TMEM39B: variants seen among roughly 807,000 people sequenced by gnomAD.
TMEM39B encodes transmembrane protein 39B.
Under a neutral mutation model 52.2 loss-of-function variants are expected in TMEM39B, and 23 were observed. The observed-to-expected ratio is 0.44, with a 90% CI of 0.32 to 0.62. TMEM39B has a LOEUF of 0.62. Ranked by LOEUF, TMEM39B falls within the 20% of genes least tolerant of loss-of-function variation. TMEM39B has a pLI of 0.06. For missense variants in TMEM39B, 547 were observed against 642.0 expected (o/e 0.85, Z 1.60); for synonymous variants, 285 against 264.0 (o/e 1.08, Z -0.77).
At chr1:32,083,303 G>A (rs1207717658) in intron 5 of TMEM39B, among the ~76,000 whole-genome samples, 9 of 147,046 alleles carry the variant, frequency 6.1e-5, no homozygotes, top group African/African-American at 2.0e-4. Flanking sequence ...GGCTGGTCTC[G>A]AACTCCCGAC....
Position 32,075,622 on chromosome 1 carries a change from C to T in TMEM39B, c.151C>T (p.Leu51Phe). 6.4e-7 allele frequency: 1 copy of T among 1,551,356 alleles called. No homozygotes were observed. Among genetic ancestry groups the T allele is most frequent in the Non-Finnish European group, 8.7e-7 (1 of 1,146,968 alleles). ...SRTRSSSGTG[L>F]SSPPLATQTV... ...TGTCAGGAGCAGTTCTGGAACAGGC[C>T]TCTCCAGCCCTCCTCTGGCCACCCA... Residue 51 changes from leucine (L) to phenylalanine (F), a missense_variant, in exon 3 of 9, where the codon CTC becomes TTC. Transcript: ENST00000336294.
rs1641056766 is a variant in TMEM39B at position 32,102,544 on chromosome 1, C to G, written c.1350C>G (p.Ile450Met). 6.2e-7 allele frequency: 1 copy of G among 1,614,106 alleles called. No homozygotes were observed. Among genetic ancestry groups the G allele is most frequent in the Middle Eastern group, 1.6e-4 (1 of 6,084 alleles). The change falls in exon 9 of 9, where the codon ATC (isoleucine) becomes ATG (methionine). Residue 450 changes from isoleucine (I) to methionine (M), a missense_variant. Coordinates refer to ENST00000336294, the MANE Select transcript of TMEM39B (RefSeq NM_018056.4). Reference sequence around the variant, plus strand: ...CCTCTGAAAAGTGGCACCAGACCATCTCGCTGGCCCTCATCCTCTTCAGCA... The same window carrying G: ...CCTCTGAAAAGTGGCACCAGACCATGTCGCTGGCCCTCATCCTCTTCAGCA... Reference protein sequence around the residue: ...LMSSEKWHQTISLALILFSNY... With the variant: ...LMSSEKWHQTMSLALILFSNY...
intron 5 of TMEM39B, among the ~76,000 whole-genome samples, chr1:32,084,486 G>A (rs1640251953): frequency 6.6e-6 from 1 of 152,154 alleles, no homozygotes; most frequent in South Asian, 2.1e-4. Context: ...GGGTACGTTG[G>A]AGATGAGTCC....
chr1:32,077,253 G>C lies in TMEM39B; in HGVS notation c.525G>C (p.Leu175=). ...FTVLTATGWS[L]CRSLIHLFRT... The stretch of plus-strand genomic sequence containing the variant: ...TTCTCACGGCAACAGGCTGGAGTCT[G>C]TGCCGATCCCTCATCCACCTCTTCA... Residue 175 remains leucine, a synonymous_variant, in exon 5 of 9, where the codon CTG becomes CTC. Transcript: ENST00000336294. 1 of 1,614,168 alleles carries C rather than the reference G, an allele frequency of 6.2e-7. No individual in the cohort carries two copies. The highest frequency in any genetic ancestry group is 8.5e-7 in the Non-Finnish European group (1 of 1,180,038).
chr1:32,074,187 C>G (rs1175815629), intron 1 of TMEM39B, among the ~76,000 whole-genome samples: 1 of 152,108 alleles, frequency 6.6e-6, no homozygotes, highest in Non-Finnish European at 1.5e-5. Context: ...CCAGCCATAT[C>G]CTTGACCCTT....
chr1:32,076,955 C>A (rs1464117889), intron 4 of TMEM39B, 109 bp downstream of exon 4: 11 of 1,366,724 alleles, frequency 8.0e-6, no homozygotes, highest in Non-Finnish European at 1.0e-5. Context: ...CCTTGGGGCT[C>A]CCTTTGGACT....
At chr1:32,097,158 A>C (rs959202821) in intron 7 of TMEM39B, among the ~76,000 whole-genome samples, 1 of 152,082 alleles carries the variant, frequency 6.6e-6, no homozygotes, top group African/African-American at 2.4e-5. Flanking sequence ...ATATATACTC[A>C]TGTAACCCAC....
At chr1:32,073,160 G>GCCCGGT in intron 1 of TMEM39B, 109 bp downstream of exon 1, 1 of 1,334,782 alleles carries the variant, frequency 7.5e-7, no homozygotes, top group East Asian at 3.1e-5. Context: ...GACGGGAGGG[G>GCCCGGT]GAGGGGATGC....
In TMEM39B at chr1:32,094,778, C is replaced by T. The variant is rs568340062; in HGVS notation, c.928-6C>T. 6.2e-7 allele frequency: 1 copy of T among 1,614,098 alleles called. No homozygotes were observed. Among genetic ancestry groups the T allele is most frequent in the East Asian group, 2.2e-5 (1 of 44,878 alleles). Reference sequence around the variant, plus strand: ...CCAGGCCTCACCCACCTTCTGCTACCCCCAGAACACACATTACTATGACAA... The same window carrying T: ...CCAGGCCTCACCCACCTTCTGCTACTCCCAGAACACACATTACTATGACAA... On this transcript the variant is annotated splice_polypyrimidine_tract_variant and splice_region_variant and intron_variant, in intron 6 of 8. Coordinates refer to ENST00000336294, the MANE Select transcript of TMEM39B (RefSeq NM_018056.4).
chr1:32,078,559 C>T, intron 5 of TMEM39B, among the ~76,000 whole-genome samples: 1 of 152,090 alleles, frequency 6.6e-6, no homozygotes, highest in East Asian at 1.9e-4. Flanking sequence ...AAAAGAAAGT[C>T]CCACATAGTC....
intron 7 of TMEM39B, among the ~76,000 whole-genome samples, chr1:32,096,810 CTT>C (rs58321062): frequency 4.3e-5 from 6 of 140,946 alleles, no homozygotes; most frequent in Admixed American, 7.1e-5. Flanking sequence ...ATGTGCAATC[CTT>C]TTTTTTTTTT....
rs777205766 is a variant in TMEM39B at position 32,100,562 on chromosome 1, T to C, written c.1236T>C (p.His412=). The C allele has an allele frequency of 3.1e-6, 5 of 1,613,938 alleles. No homozygotes were observed. Among genetic ancestry groups the C allele is most frequent in the Admixed American group, 1.7e-5 (1 of 59,992 alleles). ...IPSDVSHFRF[H]FFFSKPLRIL... is the part of the protein sequence containing the mutation. The stretch of plus-strand genomic sequence containing the variant: ...CTGACGTCTCCCACTTCCGCTTCCA[T>C]GTGAGTCTCCTCCCCGGGGAAGGAG... The change falls in exon 8 of 9, where the codon CAT becomes CAC. Residue 412 remains histidine (H), a splice_region_variant and synonymous_variant. Coordinates refer to ENST00000336294, the MANE Select transcript of TMEM39B (RefSeq NM_018056.4).
intron 7 of TMEM39B, among the ~76,000 whole-genome samples, chr1:32,097,566 G>A (rs577257709): frequency 6.6e-5 from 10 of 152,074 alleles, no homozygotes; most frequent in East Asian, 3.9e-4. Flanking sequence ...TCCCAACCTC[G>A]TGATCTGCCT....
Position 32,100,439 on chromosome 1 carries a change from C to T in TMEM39B, c.1116-3C>T, listed in dbSNP as rs754377549. The T allele has an allele frequency of 3.2e-6, 5 of 1,586,198 alleles. No individual in the cohort carries two copies. The South Asian group carries it at 4.7e-5, about 15-fold the overall frequency. On this transcript the variant is annotated splice_polypyrimidine_tract_variant and splice_region_variant and intron_variant, in intron 7 of 8. Coordinates refer to ENST00000336294, the MANE Select transcript of TMEM39B (RefSeq NM_018056.4). ...AAGGGGCACCATTGAACTGTGCCCC[C>T]AGGTGGACTGAAGAATGCATGTGGC...
At position 32,083,184 on chromosome 1, in the gene TMEM39B, A is replaced by G. The variant is rs1422909341; in HGVS notation, c.590+5866A>G. On this transcript the variant is annotated intron_variant, in intron 5 of 8. Coordinates refer to ENST00000336294, the MANE Select transcript of TMEM39B (RefSeq NM_018056.4). ...ACTGCAGCCTCCGCCTCCCAAGTTC[A>G]AGTGATTCTCCTCCCTCAGCTCCCG... Among the ~76,000 whole-genome samples, 4 of 139,466 alleles carry G rather than the reference A, an allele frequency of 2.9e-5. No homozygotes were observed. The East Asian group carries it at 8.6e-4, about 30-fold the overall frequency. 91.5% of individuals were successfully genotyped at this position (139,466 alleles called of 152,430 possible). A position where few individuals can be genotyped will look rare whatever the true frequency, so the allele number is the denominator to read the frequency against.
In TMEM39B at chr1:32,091,839, A is replaced by T; in HGVS notation, c.755A>T (p.Gln252Leu). 6.2e-7 allele frequency: 1 copy of T among 1,614,232 alleles called. No individual in the cohort carries two copies. Among genetic ancestry groups the T allele is most frequent in the Non-Finnish European group, 8.5e-7 (1 of 1,180,036 alleles). The change falls in exon 6 of 9, where the codon CAG becomes CTG. Residue 252 changes from glutamine (Q) to leucine (L), a missense_variant. By Grantham distance (113) the Gln-to-Leu change is moderately radical. Transcript: ENST00000336294. Reference sequence around the variant, plus strand: ...GAGACGTGGAAGCAGCACACAAGACAGCTGTATGGCCCGGACGCCATGCCC... The same window carrying T: ...GAGACGTGGAAGCAGCACACAAGACTGCTGTATGGCCCGGACGCCATGCCC... ...LRETWKQHTRQLYGPDAMPTH... is the reference protein window; with the variant it reads ...LRETWKQHTRLLYGPDAMPTH...
chr1:32,085,774 A>C (rs892409279), intron 5 of TMEM39B, among the ~76,000 whole-genome samples: 30 of 149,604 alleles, frequency 2.0e-4, no homozygotes, highest in Admixed American at 1.8e-3. Context: ...AAATTCCCTT[A>C]TTTTCCTCAA....
intron 1 of TMEM39B, chr1:32,073,814 G>A (rs1224305985): frequency 1.0e-6 from 1 of 985,324 alleles, no homozygotes; most frequent in Non-Finnish European, 1.2e-6. Flanking sequence ...ACGCTTCCGA[G>A]CTGAGATGCT....
chr1:32,089,146 T>TC (rs1640500936), intron 5 of TMEM39B, among the ~76,000 whole-genome samples: 1 of 150,574 alleles, frequency 6.6e-6, no homozygotes, highest in South Asian at 2.1e-4. Flanking sequence ...TTTTTTTTTT[T>TC]TTTTTTTTTA....
Sources: allele counts gnomAD v4.1 joint callset (sites outside exome capture counted in the v4.1 genomes callset), GRCh38; gene constraint gnomAD v4.1.1; transcripts MANE v1.5; gene names NCBI Gene and HGNC (gene_info 2026-07-23, HGNC 2026-07-21).